The following MAPK14 variants were observed in gnomAD, a reference collection of about 807,000 sequenced individuals.
MAPK14 encodes CSAID-binding protein.
MAPK14 carries 16 observed loss-of-function variants against 49.6 expected under a neutral mutation model. The ratio of observed to expected loss-of-function variants is 0.32; its 90% confidence interval spans 0.22 to 0.49. MAPK14 has a LOEUF of 0.49. Among genes scored for constraint, MAPK14 ranks in the 20% least tolerant of loss-of-function variants. The pLI, the probability that MAPK14 is intolerant of heterozygous loss-of-function variation, is 0.99. For synonymous variants in MAPK14, 142 were observed against 158.0 expected (o/e 0.90, Z 0.76); for missense variants, 200 against 441.2 (o/e 0.45, Z 4.90).
At chr6:36,033,770 T>G (rs1762635769) in intron 1 of MAPK14, among the ~76,000 whole-genome samples, 1 of 152,200 alleles carries the variant, frequency 6.6e-6, no homozygotes, top group Non-Finnish European at 1.5e-5. Context: ...TGGGCAAGAG[T>G]GCAGATATTG....
At chr6:36,043,915 A>G (rs1442430100) in intron 1 of MAPK14, among the ~76,000 whole-genome samples, 1 of 144,766 alleles carries the variant, frequency 6.9e-6, no homozygotes, top group Non-Finnish European at 1.5e-5. Context: ...GGTTCAAGCG[A>G]TTCTCCTGTG....
intron 8 of MAPK14, among the ~76,000 whole-genome samples, chr6:36,086,460 T>C (rs1300819547): frequency 2.0e-5 from 3 of 152,044 alleles, no homozygotes; most frequent in Non-Finnish European, 4.4e-5. Flanking sequence ...ATAAAAATGA[T>C]AAAGGGGGTA....
rs543247432 is a variant in MAPK14 at position 36,051,170 on chromosome 6, C to A, written c.117-1529C>A. 2.7e-5 allele frequency among the ~76,000 whole-genome samples: 4 copies of A among 150,476 alleles called. No homozygotes were observed. The South Asian group carries it at 8.4e-4, about 32-fold the overall frequency. ...TCACTCTTATTGCCAGGCTGGAGTG[C>A]GATGGTGCAATCTCAGCTCACTGCA... On this transcript the variant is annotated intron_variant, in intron 1 of 11. Coordinates refer to ENST00000229794, the MANE Select transcript of MAPK14 (RefSeq NM_139012.3).
intron 9 of MAPK14, among the ~76,000 whole-genome samples, chr6:36,099,726 C>T (rs1379702344): frequency 6.6e-6 from 1 of 152,126 alleles, no homozygotes; most frequent in Non-Finnish European, 1.5e-5. Flanking sequence ...AGGGATGGTG[C>T]CTTGGAGAAC....
chr6:36,093,609 C>T (rs1195122135), intron 8 of MAPK14, among the ~76,000 whole-genome samples: 3 of 151,214 alleles, frequency 2.0e-5, no homozygotes, highest in Non-Finnish European at 4.4e-5. Flanking sequence ...GTCCCAGCTA[C>T]TCTGGAGGCT....
intron 8 of MAPK14, among the ~76,000 whole-genome samples, chr6:36,091,124 C>T (rs1306576820): frequency 6.6e-6 from 1 of 152,140 alleles, no homozygotes; most frequent in Non-Finnish European, 1.5e-5. Context: ...GCAATTGGTC[C>T]TTTTATTTAT....
intron 9 of MAPK14, among the ~76,000 whole-genome samples, chr6:36,099,294 T>C (rs1340567554): frequency 6.6e-6 from 1 of 152,362 alleles, no homozygotes; most frequent in African/African-American, 2.4e-5. Flanking sequence ...AGGAACATGA[T>C]AAACAGTTCT....
At chr6:36,065,325 G>A (rs1322405249) in intron 3 of MAPK14, among the ~76,000 whole-genome samples, 1 of 152,144 alleles carries the variant, frequency 6.6e-6, no homozygotes, top group Non-Finnish European at 1.5e-5. Context: ...CCATTATAGG[G>A]CAGGTATAGA....
At chr6:36,070,870 T>A (rs1218415128) in intron 3 of MAPK14, among the ~76,000 whole-genome samples, 1 of 152,108 alleles carries the variant, frequency 6.6e-6, no homozygotes, top group Non-Finnish European at 1.5e-5. Context: ...AATATATTAA[T>A]AATAGATCTA....
At chr6:36,085,705 A>G (rs555567453) in intron 8 of MAPK14, among the ~76,000 whole-genome samples, 1 of 152,332 alleles carries the variant, frequency 6.6e-6, no homozygotes, top group Admixed American at 6.5e-5. Context: ...TTAGACTCCC[A>G]TACAATAATA....
chr6:36,092,360 C>G (rs1765268600), intron 8 of MAPK14: 12 of 652,308 alleles, frequency 1.8e-5, no homozygotes, highest in South Asian at 1.6e-4. Flanking sequence ...TCTATGAGTT[C>G]CCTGCAGGGA....
chr6:36,035,219 G>A (rs1762696295), intron 1 of MAPK14, among the ~76,000 whole-genome samples: 1 of 152,038 alleles, frequency 6.6e-6, no homozygotes, highest in South Asian at 2.1e-4. Flanking sequence ...TTACAGGTGT[G>A]AGCCACTGTG....
chr6:36,074,158 A>C, intron 6 of MAPK14, 62 bp downstream of exon 6: 1 of 1,323,668 alleles, frequency 7.6e-7, no homozygotes, highest in Non-Finnish European at 1.1e-6. Flanking sequence ...TTGACTAAGC[A>C]GGCAGACTTT....
At chr6:36,121,020 G>A in the MAPK14 span, among the ~76,000 whole-genome samples, 1 of 152,156 alleles carries the variant, frequency 6.6e-6, no homozygotes, top group South Asian at 2.1e-4. Flanking sequence ...AGCCAGCCCA[G>A]GAAGAGCTGC....
chr6:36,071,060 C>T (rs1170263117), intron 3 of MAPK14, among the ~76,000 whole-genome samples: 7 of 152,054 alleles, frequency 4.6e-5, no homozygotes, highest in African/African-American at 9.7e-5. Context: ...TAGCCAGGCA[C>T]GGTAGCTCAC....
At chr6:36,073,189 A>G (rs1029404255) in intron 4 of MAPK14, 2 of 554,396 alleles carry the variant, frequency 3.6e-6, no homozygotes, top group Admixed American at 3.1e-5. Flanking sequence ...TTTCTTTTGT[A>G]TTTCCCAAGC....
At chr6:36,121,127 G>C in the MAPK14 span, among the ~76,000 whole-genome samples, 30 of 152,148 alleles carry the variant, frequency 2.0e-4, no homozygotes, top group African/African-American at 6.7e-4. Context: ...AAGCAAAGAC[G>C]TGGTGACAGG....
At chr6:36,066,289 T>C (rs1481509588) in intron 3 of MAPK14, among the ~76,000 whole-genome samples, 1 of 152,174 alleles carries the variant, frequency 6.6e-6, no homozygotes, top group Non-Finnish European at 1.5e-5. Context: ...GATCTAAGGC[T>C]ATGATTATTA....
At chr6:36,080,334 G>A (rs1764704892) in intron 8 of MAPK14, among the ~76,000 whole-genome samples, 1 of 151,834 alleles carries the variant, frequency 6.6e-6, no homozygotes, top group South Asian at 2.1e-4. Flanking sequence ...TTTCATCACC[G>A]CAGATGGAAA....
Sources: gnomAD v4.1 joint callset for allele counts (sites outside exome capture counted in the v4.1 genomes callset) on GRCh38, gnomAD v4.1.1 for gene constraint, MANE v1.5 for transcripts, NCBI Gene and HGNC (gene_info 2026-07-23, HGNC 2026-07-21) for gene names.